Variants in NTM observed in about 807,000 individuals in gnomAD.
The protein encoded by NTM is IgLON family member 2.
In NTM, 13 loss-of-function variants were observed where a neutral mutation model predicts 42.1. The ratio of observed to expected loss-of-function variants is 0.31; its 90% CI spans 0.20 to 0.49. The LOEUF is 0.49. Ranked by LOEUF, NTM falls within the 20% of genes least tolerant of loss-of-function variation. NTM has a pLI of 0.99. For synonymous variants in NTM, 187 were observed against 179.2 expected (o/e 1.04, Z -0.35); for missense variants, 373 against 452.8 (o/e 0.82, Z 1.60).
intron 1 of NTM, among the ~76,000 whole-genome samples, chr11:131,503,124 T>G (rs892987901): frequency 2.0e-5 from 3 of 152,148 alleles, no homozygotes; most frequent in African/African-American, 7.2e-5. Context: ...TAAAGACATT[T>G]GTGTGCAGAG....
chr11:131,462,075 C>A (rs1295443290), intron 1 of NTM, among the ~76,000 whole-genome samples: 1 of 152,142 alleles, frequency 6.6e-6, no homozygotes, highest in African/African-American at 2.4e-5. Context: ...CACCACACAG[C>A]AAAATACTAC....
intron 1 of NTM, chr11:131,660,881 C>T: frequency 8.0e-7 from 1 of 1,254,122 alleles, no homozygotes; most frequent in South Asian, 1.4e-5. Flanking sequence ...TTTCAAAGAA[C>T]TTGTGTGTAA....
At chr11:131,845,993 A>G (rs2044856350) in intron 1 of NTM, among the ~76,000 whole-genome samples, 1 of 152,122 alleles carries the variant, frequency 6.6e-6, no homozygotes, top group Non-Finnish European at 1.5e-5. Context: ...TGTATCTTGT[A>G]TTATTGTTAG....
chr11:131,489,783 C>T (rs574704112), intron 1 of NTM, among the ~76,000 whole-genome samples: 1 of 152,246 alleles, frequency 6.6e-6, no homozygotes, highest in African/African-American at 2.4e-5. Context: ...TTTACCTGGC[C>T]TTAGCCAAGT....
chr11:132,155,145 A>G (rs2072892200), intron 3 of NTM, among the ~76,000 whole-genome samples: 1 of 152,226 alleles, frequency 6.6e-6, no homozygotes, highest in Non-Finnish European at 1.5e-5. Context: ...ATAGCTTAGT[A>G]GAAAGAAGTA....
rs71485718 is a variant in NTM, at chr11:132,069,284, T to C, written c.168-76998T>C. Among the ~76,000 whole-genome samples, 308 of 99,474 alleles carry C rather than the reference T, an allele frequency of 3.1e-3. 6 individuals are homozygous for C. The highest frequency in any genetic ancestry group is 0.011 in the African/African-American group (258 of 24,196). The allele number at this position is 99,474 out of a possible 152,430, so 65.3% of individuals were successfully genotyped here. On this transcript the variant is annotated intron_variant, in intron 2 of 8. Coordinates refer to ENST00000683400, the MANE Select transcript of NTM (RefSeq NM_001352005.2). ...CATCACAGATTAGTTAACACGTCACTCAGCCAAGTTAACACGTCACACTGA... is the reference window on the plus strand; with the variant it reads ...CATCACAGATTAGTTAACACGTCACCCAGCCAAGTTAACACGTCACACTGA...
chr11:131,779,596 T>C (rs2087692314), intron 1 of NTM, among the ~76,000 whole-genome samples: 1 of 152,156 alleles, frequency 6.6e-6, no homozygotes, highest in African/African-American at 2.4e-5. Flanking sequence ...AAGTATCACA[T>C]GTGCTCTAAG....
chr11:132,268,586 G>T (rs2093323880), intron 4 of NTM, among the ~76,000 whole-genome samples: 1 of 151,432 alleles, frequency 6.6e-6, no homozygotes. Context: ...TCTGTGTGTG[G>T]TGTGGATGTG....
chr11:131,607,990 G>A (rs1234663797), intron 1 of NTM, among the ~76,000 whole-genome samples: 2 of 152,014 alleles, frequency 1.3e-5, no homozygotes, highest in Non-Finnish European at 2.9e-5. Flanking sequence ...TGCCATGTTG[G>A]TGTGCTGCAC....
chr11:132,087,617 C>G (rs2059886386), intron 2 of NTM, among the ~76,000 whole-genome samples: 1 of 152,100 alleles, frequency 6.6e-6, no homozygotes, highest in South Asian at 2.1e-4. Context: ...GGGTCCTTCT[C>G]AAACAAGGAA....
chr11:131,933,880 C>CT (rs1298638553), intron 2 of NTM, among the ~76,000 whole-genome samples: 1 of 151,618 alleles, frequency 6.6e-6, no homozygotes, highest in Non-Finnish European at 1.5e-5. Flanking sequence ...CTCTTTTTTT[C>CT]TGGGGGGGGA....
At chr11:131,734,537 A>T (rs571687004) in intron 1 of NTM, among the ~76,000 whole-genome samples, 1 of 152,270 alleles carries the variant, frequency 6.6e-6, no homozygotes, top group African/African-American at 2.4e-5. Flanking sequence ...CCCTGCCGAG[A>T]GGGGTGAGCC....
At chr11:132,053,478 A>G (rs1312009744) in intron 2 of NTM, among the ~76,000 whole-genome samples, 7 of 152,214 alleles carry the variant, frequency 4.6e-5, no homozygotes, top group Non-Finnish European at 8.8e-5. Flanking sequence ...CTCATGCTAC[A>G]GAGACTCTCT....
At chr11:132,254,817 G>C (rs915885568) in intron 4 of NTM, among the ~76,000 whole-genome samples, 5 of 152,100 alleles carry the variant, frequency 3.3e-5, no homozygotes, top group Admixed American at 3.3e-4. Context: ...TCCAGCCTGG[G>C]GTTCTCATTC....
intron 1 of NTM, among the ~76,000 whole-genome samples, chr11:131,443,285 C>G (rs13377489): frequency 0.02 from 3,017 of 152,062 alleles, 53 homozygotes; most frequent in Non-Finnish European, 0.03. Flanking sequence ...TGAAGACTGG[C>G]CATATTGTAA....
chr11:132,283,807 G>A (rs1472876986), intron 4 of NTM, among the ~76,000 whole-genome samples: 1 of 152,110 alleles, frequency 6.6e-6, no homozygotes, highest in African/African-American at 2.4e-5. Context: ...TCAATGGGGG[G>A]CTTTAGAGGG....
chr11:131,604,098 C>T (rs999459362), intron 1 of NTM, among the ~76,000 whole-genome samples: 4 of 152,104 alleles, frequency 2.6e-5, no homozygotes, highest in Non-Finnish European at 4.4e-5. Context: ...TAGGAACCAC[C>T]AAACTGTTTT....
chr11:131,821,930 A>C (rs1320604097), intron 1 of NTM, among the ~76,000 whole-genome samples: 1 of 152,200 alleles, frequency 6.6e-6, no homozygotes, highest in Non-Finnish European at 1.5e-5. Context: ...AAAGACTCAA[A>C]TGTATATATG....
intron 2 of NTM, among the ~76,000 whole-genome samples, chr11:132,144,777 A>C (rs1198690908): frequency 6.6e-6 from 1 of 152,170 alleles, no homozygotes; most frequent in African/African-American, 2.4e-5. Context: ...GAGAGAGCCC[A>C]CCTCTCATCT....
Sources: allele counts gnomAD v4.1 joint callset (sites outside exome capture counted in the v4.1 genomes callset), GRCh38; gene constraint gnomAD v4.1.1; transcripts MANE v1.5; gene names NCBI Gene and HGNC (gene_info 2026-07-23, HGNC 2026-07-21).